The following PSMD1 variants were observed in gnomAD, a reference collection of about 807,000 sequenced individuals.
PSMD1 encodes proteasome 26S subunit, non-ATPase 1.
A neutral mutation model predicts 119.0 loss-of-function variants in PSMD1; 18 were observed. That is an observed-to-expected ratio of 0.15 (90% CI 0.10 to 0.22). The LOEUF (loss-of-function observed/expected upper bound fraction) is 0.22, where lower values mean the gene tolerates loss of function less well. Ranked by LOEUF, PSMD1 falls within the 10% of genes least tolerant of loss-of-function variation. The probability of loss-of-function intolerance (pLI) is 1.00; values close to 1 mark genes in which losing one functional copy is unlikely to be tolerated. For missense variants in PSMD1, 702 were observed against 1,158.5 expected (o/e 0.61, Z 5.72); for synonymous variants, 374 against 396.6 (o/e 0.94, Z 0.68).
chr2:231,131,356 T>C (rs1430599001), intron 16 of PSMD1, among the ~76,000 whole-genome samples: 2 of 152,246 alleles, frequency 1.3e-5, no homozygotes, highest in African/African-American at 2.4e-5. Flanking sequence ...TTATCATTTA[T>C]TAACTGTTCC....
intron 17 of PSMD1, among the ~76,000 whole-genome samples, chr2:231,140,180 G>C (rs945668030): frequency 1.3e-5 from 2 of 152,088 alleles, no homozygotes; most frequent in African/African-American, 4.8e-5. Context: ...TAGATTCCTT[G>C]AATTTTTTTC....
At position 231,099,572 on chromosome 2, in the gene PSMD1, C is replaced by G. The variant is rs150175632; in HGVS notation, c.1883+12391C>G. 2.1e-3 allele frequency among the ~76,000 whole-genome samples: 327 copies of G among 152,232 alleles called. 1 individual carries two copies. Among genetic ancestry groups the G allele is most frequent in the Middle Eastern group, 0.01 (3 of 294 alleles). On this transcript the variant is annotated intron_variant, in intron 16 of 24. Coordinates refer to ENST00000308696, the MANE Select transcript of PSMD1 (RefSeq NM_002807.4). ...TGTTACCATCTTTATCTCCCTTGCT[C>G]CCTGTCTTGCTTGGGGTATTTCCCA...
At chr2:231,063,014 A>C (rs1490901345) in intron 4 of PSMD1, among the ~76,000 whole-genome samples, 2 of 152,208 alleles carry the variant, frequency 1.3e-5, no homozygotes, top group Admixed American at 6.5e-5. Flanking sequence ...GCACCGTGCT[A>C]GTCACTCTGC....
At position 231,167,039 on chromosome 2, in the gene PSMD1, A is replaced by G. The variant is rs571408984; in HGVS notation, c.2715+1022A>G. 7.2e-5 allele frequency among the ~76,000 whole-genome samples: 11 copies of G among 152,294 alleles called. No homozygotes were observed. The South Asian group carries it at 2.3e-3, about 32-fold the overall frequency. On this transcript the variant is annotated intron_variant, in intron 23 of 24. Coordinates refer to ENST00000308696, the MANE Select transcript of PSMD1 (RefSeq NM_002807.4). ...TAAAATTGATATGGTAATGCTACCT[A>G]CCTCCTGTTGATGTTGTGGAGATTA...
At chr2:231,123,817 G>A in intron 16 of PSMD1, 2 of 1,313,588 alleles carry the variant, frequency 1.5e-6, no homozygotes, top group Non-Finnish European at 2.2e-6. Flanking sequence ...AGCATGGTTA[G>A]TAGCTAAGCT....
intron 16 of PSMD1, among the ~76,000 whole-genome samples, chr2:231,099,634 T>G (rs1373944834): frequency 6.6e-6 from 1 of 152,142 alleles, no homozygotes; most frequent in South Asian, 2.1e-4. Flanking sequence ...AGGTTCAATT[T>G]CCCTTACTGG....
chr2:231,172,315 G>A (rs575078492), intron 24 of PSMD1, among the ~76,000 whole-genome samples: 3 of 152,280 alleles, frequency 2.0e-5, no homozygotes, highest in Admixed American at 1.3e-4. Context: ...TTTATAGCTG[G>A]AAACTGGAAT....
chr2:231,114,518 C>T (rs1695265383), intron 16 of PSMD1, among the ~76,000 whole-genome samples: 1 of 152,092 alleles, frequency 6.6e-6, no homozygotes, highest in African/African-American at 2.4e-5. Flanking sequence ...AAAGGAATGG[C>T]TTCAGATTAT....
At chr2:231,113,659 C>T (rs1361758196) in intron 16 of PSMD1, 2 of 1,359,530 alleles carry the variant, frequency 1.5e-6, no homozygotes, top group African/African-American at 1.4e-5. Flanking sequence ...CCTACCAGAC[C>T]TGGTATTCTC....
At chr2:231,077,441 C>T (rs936296256) in intron 9 of PSMD1, among the ~76,000 whole-genome samples, 4 of 152,142 alleles carry the variant, frequency 2.6e-5, no homozygotes, top group East Asian at 1.9e-4. Context: ...AGCAGTTAGA[C>T]AAATAGCACA....
intron 13 of PSMD1, 78 bp from the exon 14 acceptor site, chr2:231,083,489 G>A: frequency 6.9e-7 from 1 of 1,455,096 alleles, no homozygotes; most frequent in East Asian, 2.3e-5. Context: ...TATGCAAAAA[G>A]AGTGCTACTT....
chr2:231,061,664 A>G (rs532099794), intron 2 of PSMD1, among the ~76,000 whole-genome samples: 113 of 152,080 alleles, frequency 7.4e-4, no homozygotes, highest in African/African-American at 2.6e-3. Context: ...CCTACACTCA[A>G]ATGATCCTCC....
intron 16 of PSMD1, among the ~76,000 whole-genome samples, chr2:231,118,367 G>A (rs911349811): frequency 6.6e-6 from 1 of 152,132 alleles, no homozygotes; most frequent in Non-Finnish European, 1.5e-5. Flanking sequence ...TAGCAAAAGT[G>A]CATGCATCTG....
At chr2:231,095,922 C>T (rs1430501076) in intron 16 of PSMD1, among the ~76,000 whole-genome samples, 1 of 152,138 alleles carries the variant, frequency 6.6e-6, no homozygotes, top group African/African-American at 2.4e-5. Flanking sequence ...CTTTTAATTG[C>T]TCCTCAACTA....
chr2:231,088,950 G>T (rs1694519509), intron 16 of PSMD1, among the ~76,000 whole-genome samples: 1 of 152,228 alleles, frequency 6.6e-6, no homozygotes. Context: ...TGCTACTCCA[G>T]TGGACACGCA....
At chr2:231,067,560 A>G (rs572642964) in intron 5 of PSMD1, among the ~76,000 whole-genome samples, 6 of 152,326 alleles carry the variant, frequency 3.9e-5, no homozygotes, top group African/African-American at 1.2e-4. Context: ...ATTTCTTTCC[A>G]TGAGCTAGCT....
At chr2:231,150,255 G>A (rs1294046179) in intron 18 of PSMD1, among the ~76,000 whole-genome samples, 3 of 152,150 alleles carry the variant, frequency 2.0e-5, no homozygotes, top group South Asian at 2.1e-4. Flanking sequence ...GCTGAGGCAG[G>A]AGAATCACTT....
Position 231,083,661 on chromosome 2 carries a change from A to T in PSMD1, c.1620A>T (p.Gln540His). 3 of 1,614,214 alleles carry T rather than the reference A, an allele frequency of 1.9e-6. No homozygotes were observed. Among genetic ancestry groups the T allele is most frequent in the Non-Finnish European group, 2.5e-6 (3 of 1,180,042 alleles). ...EDMVGYAQET[Q>H]HEKILRGLAV... ...TGGTTGGTTATGCACAAGAAACTCA[A>T]CATGAGAAGATTCTGCGTGGTCTTG... Residue 540 changes from glutamine to histidine, a missense_variant, in exon 14 of 25, where the codon CAA becomes CAT. Gln to His is a conservative substitution (Grantham distance 24). This residue lies in a region of PSMD1 where 272 missense variants were observed against 511.6 expected (regional missense o/e 0.53). Coordinates refer to ENST00000308696, the MANE Select transcript of PSMD1 (RefSeq NM_002807.4).
chr2:231,080,040 C>G, intron 11 of PSMD1, 101 bp from the exon 12 acceptor site: 1 of 1,065,492 alleles, frequency 9.4e-7, no homozygotes, highest in Non-Finnish European at 1.3e-6. Flanking sequence ...TCTCTCTTAG[C>G]AAGTGAACAT....
Sources: gnomAD v4.1 joint callset for allele counts (sites outside exome capture counted in the v4.1 genomes callset) on GRCh38, gnomAD v4.1.1 for gene constraint, gnomAD v4.1.1 regional missense constraint, MANE v1.5 for transcripts, NCBI Gene and HGNC (gene_info 2026-07-23, HGNC 2026-07-21) for gene names.